The following MAP6 variants were observed in gnomAD, a reference collection of about 807,000 sequenced individuals.
The protein encoded by MAP6 is microtubule associated protein 6.
In MAP6, 26 loss-of-function variants were observed where a neutral mutation model predicts 42.4. The observed-to-expected ratio is 0.61, with a 90% CI of 0.45 to 0.85. The LOEUF (loss-of-function observed/expected upper bound fraction) is 0.85, where lower values mean the gene tolerates loss of function less well. MAP6 is among the 40% of genes least tolerant of loss of function. MAP6 has a pLI of 0.00. For synonymous variants in MAP6, 418 were observed against 443.8 expected (o/e 0.94, Z 0.73); for missense variants, 966 against 1,099.0 (o/e 0.88, Z 1.71).
intron 2 of MAP6, 37 bp from the exon 3 acceptor site, chr11:75,606,041 A>G (rs1942767685): frequency 1.2e-6 from 2 of 1,605,236 alleles, no homozygotes; most frequent in Non-Finnish European, 8.5e-7. Context: ...CAGAAACACA[A>G]AAAGGTGGGG....
chr11:75,665,784 A>G (rs1046315560), intron 1 of MAP6, among the ~76,000 whole-genome samples: 1 of 152,172 alleles, frequency 6.6e-6, no homozygotes, highest in Non-Finnish European at 1.5e-5. Flanking sequence ...CTATTCAAGG[A>G]AAAGGATTTA....
intron 1 of MAP6, among the ~76,000 whole-genome samples, chr11:75,666,019 A>C (rs1383309751): frequency 1.3e-5 from 2 of 152,190 alleles, no homozygotes; most frequent in African/African-American, 2.4e-5. Context: ...GGTAATGTTC[A>C]CTGGAGAAGG....
At position 75,588,076 on chromosome 11, in the gene MAP6, A is replaced by G. The variant is rs893069326; in HGVS notation, c.1425T>C (p.Gly475=). ...SVVPGLLKGQ[G]PMVQEPLKKQ... ...TCTTCAGAGGCTCTTGCACCATAGG[A>G]CCTTGACCTTTCAGAAGGCCTGGGA... is the stretch of plus-strand genomic sequence containing the variant. The change falls in exon 4 of 4, where the codon GGT becomes GGC. Residue 475 remains glycine, a synonymous_variant. Coordinates refer to ENST00000304771, the MANE Select transcript of MAP6 (RefSeq NM_033063.2). 1 of 1,613,978 alleles carries G rather than the reference A, an allele frequency of 6.2e-7. No homozygotes were observed. The highest frequency in any genetic ancestry group is 8.5e-7 in the Non-Finnish European group (1 of 1,180,008).
intron 1 of MAP6, among the ~76,000 whole-genome samples, chr11:75,659,385 G>C (rs1321290818): frequency 1.3e-5 from 2 of 152,198 alleles, no homozygotes; most frequent in Non-Finnish European, 2.9e-5. Context: ...GGAAGGCTGA[G>C]GCAGGAGAAT....
chr11:75,667,720 G>A lies in MAP6; in HGVS notation c.650C>T (p.Ala217Val). The A allele has an allele frequency of 2.3e-6, 3 of 1,289,062 alleles. No individual in the cohort carries two copies. The highest frequency in any genetic ancestry group is 2.6e-5 in the South Asian group (1 of 39,210). The allele number at this position is 1,289,062 out of a possible 1,614,324, so 79.9% of individuals were successfully genotyped here. The stretch of plus-strand genomic sequence containing the variant: ...CAGGCCACCCGCTCCGCCGGGGGCC[G>A]CCTCCTGCTCCCGGGCCTCAGCGGC... ...QAAAEAREQE[A>V]APGGAGGLAA... The change falls in exon 1 of 4, where the codon GCG (alanine) becomes GTG (valine). Residue 217 changes from alanine (A) to valine (V), a missense_variant. By Grantham distance (64) the Ala-to-Val change is moderately conservative (BLOSUM62 0). Around this residue, in one of 2 missense-constraint regions of MAP6, gnomAD observed 943 missense variants for 1,049.9 expected, o/e 0.90. Coordinates refer to ENST00000304771, the MANE Select transcript of MAP6 (RefSeq NM_033063.2). The surrounding 1 kb of genome is among the most constrained non-coding windows in gnomAD (Gnocchi z 5.6).
intron 3 of MAP6, chr11:75,604,616 C>A: frequency 1.0e-6 from 1 of 985,136 alleles, no homozygotes; most frequent in Non-Finnish European, 1.2e-6. Context: ...TTCACAACAA[C>A]TCCCTGACTA....
chr11:75,608,090 C>T lies in MAP6; in HGVS notation c.1119+19G>A, dbSNP rs1350467546. 6.2e-7 allele frequency: 1 copy of T among 1,611,478 alleles called. No homozygotes were observed. The highest frequency in any genetic ancestry group is 2.2e-5 in the East Asian group (1 of 44,868). On this transcript the variant is annotated intron_variant, in intron 2 of 3. Coordinates refer to ENST00000304771, the MANE Select transcript of MAP6 (RefSeq NM_033063.2). ...ATGGTCCAGGCTGTGCTGATGGGTT[C>T]CCACAAGGTCTGTCTCACCTTTGGG...
In MAP6 at chr11:75,587,249, G is replaced by C; in HGVS notation, c.2252C>G (p.Pro751Arg). The change falls in exon 4 of 4, where the codon CCT becomes CGT. Residue 751 changes from proline to arginine, a missense_variant. Pro to Arg is a moderately radical substitution (Grantham distance 103). This residue lies in a region of MAP6 where 943 missense variants were observed against 1,049.9 expected (regional missense o/e 0.90). Transcript: ENST00000304771. ...ATCCTTCAGAGGCACTGGGACTATA[G>C]GAACTTGATTCTTCAGAGGTTCAGG... Reference protein sequence around the residue: ...IVPEPLKNQVPIVPVPLKDQD... With the variant: ...IVPEPLKNQVRIVPVPLKDQD... The C allele has an allele frequency of 6.2e-7, 1 of 1,614,130 alleles. No individual in the cohort carries two copies. Among genetic ancestry groups the C allele is most frequent in the Non-Finnish European group, 8.5e-7 (1 of 1,180,022 alleles).
chr11:75,617,757 G>C (rs1055772586), intron 1 of MAP6, among the ~76,000 whole-genome samples: 1 of 152,008 alleles, frequency 6.6e-6, no homozygotes, highest in Non-Finnish European at 1.5e-5. Context: ...AGAAGTGATA[G>C]GTTGTAAGAA....
intron 1 of MAP6, among the ~76,000 whole-genome samples, chr11:75,666,378 T>C (rs1162467474): frequency 1.3e-5 from 2 of 152,146 alleles, no homozygotes; most frequent in Non-Finnish European, 2.9e-5. Flanking sequence ...GAGGGAAAAT[T>C]CTAGAAGGAA....
chr11:75,602,582 C>T lies in MAP6; in HGVS notation c.1316+3226G>A, dbSNP rs1039887942. Among the ~76,000 whole-genome samples, 6 of 152,260 alleles carry T rather than the reference C, an allele frequency of 3.9e-5. No individual in the cohort carries two copies. In the South Asian group the frequency reaches 8.3e-4, roughly 21 times the overall value. On this transcript the variant is annotated intron_variant, in intron 3 of 3. Coordinates refer to ENST00000304771, the MANE Select transcript of MAP6 (RefSeq NM_033063.2). ...CCTCCCAGTGTGGCAAGGTGGTGCT[C>T]GGTGCAGGCGGTCGCTCTTCCCGGC...
chr11:75,651,792 C>T (rs753227620), intron 1 of MAP6, among the ~76,000 whole-genome samples: 10 of 152,134 alleles, frequency 6.6e-5, no homozygotes, highest in Admixed American at 1.3e-4. Flanking sequence ...AAGGCACAGC[C>T]GAACCAAGTA....
intron 1 of MAP6, among the ~76,000 whole-genome samples, chr11:75,640,002 T>C (rs1245918513): frequency 1.3e-5 from 2 of 151,868 alleles, no homozygotes; most frequent in Non-Finnish European, 2.9e-5. Context: ...TAATTTCCAC[T>C]CTCCCCTCTG....
chr11:75,602,385 G>A (rs1386571193), intron 3 of MAP6, among the ~76,000 whole-genome samples: 2 of 152,120 alleles, frequency 1.3e-5, no homozygotes, highest in Middle Eastern at 3.2e-3. Flanking sequence ...GCACACACAC[G>A]ACTGTCACCC....
intron 2 of MAP6, chr11:75,607,808 G>A (rs1426508398): frequency 5.8e-6 from 2 of 347,722 alleles, no homozygotes; most frequent in Non-Finnish European, 8.1e-6. Context: ...TAGGGCTCAG[G>A]TGAGGTTTTC....
At chr11:75,593,497 A>G (rs60569457) in intron 3 of MAP6, among the ~76,000 whole-genome samples, 2,037 of 152,318 alleles carry the variant, frequency 0.013, 59 homozygotes, top group African/African-American at 0.047. Context: ...TGGATGGTGA[A>G]AGGACTTCAC....
At chr11:75,640,712 A>T (rs964170550) in intron 1 of MAP6, among the ~76,000 whole-genome samples, 4 of 152,268 alleles carry the variant, frequency 2.6e-5, no homozygotes, top group Middle Eastern at 3.2e-3. Context: ...ACATTCATGC[A>T]GTCAAAAGAC....
At chr11:75,649,642 G>A (rs1402930428) in intron 1 of MAP6, among the ~76,000 whole-genome samples, 4 of 151,994 alleles carry the variant, frequency 2.6e-5, no homozygotes, top group Admixed American at 6.6e-5. Flanking sequence ...ACGTTCAAGC[G>A]ATTCTCCTGC....
At chr11:75,643,201 AT>A (rs985010378) in intron 1 of MAP6, among the ~76,000 whole-genome samples, 111 of 150,854 alleles carry the variant, frequency 7.4e-4, no homozygotes, top group African/African-American at 2.7e-3. Context: ...ACTAAAATTT[AT>A]TATTATGTAT....
Sources: gnomAD v4.1 joint callset for allele counts (sites outside exome capture counted in the v4.1 genomes callset) on GRCh38, gnomAD v4.1.1 for gene constraint, gnomAD v4.1.1 regional missense constraint, Gnocchi (gnomAD v3.1) non-coding constraint, MANE v1.5 for transcripts, NCBI Gene and HGNC (gene_info 2026-07-23, HGNC 2026-07-21) for gene names.